The following RSRC1 variants were observed in gnomAD, a reference collection of about 807,000 sequenced individuals.
The protein encoded by RSRC1 is serine/Arginine-related protein 53.
Under a neutral mutation model 49.1 loss-of-function variants are expected in RSRC1, and 39 were observed. The ratio of observed to expected loss-of-function variants is 0.79; its 90% CI spans 0.61 to 1.04. The LOEUF is 1.04. RSRC1 is among the 50% of genes least tolerant of loss of function. The pLI is 0.00. For synonymous variants in RSRC1, 143 were observed against 130.8 expected (o/e 1.09, Z -0.63); for missense variants, 388 against 402.4 (o/e 0.96, Z 0.31).
At chr3:158,325,932 A>G (rs1166694496) in intron 5 of RSRC1, among the ~76,000 whole-genome samples, 1 of 152,144 alleles carries the variant, frequency 6.6e-6, no homozygotes, top group East Asian at 1.9e-4. Flanking sequence ...TTCTCCTTGA[A>G]GAGATCCTTC....
rs1731969876 is a variant in RSRC1, at chr3:158,369,811, A to G, written c.583+14903A>G. On this transcript the variant is annotated intron_variant, in intron 6 of 9. Coordinates refer to ENST00000611884, the MANE Select transcript of RSRC1 (RefSeq NM_001271838.2). ...TTTGTTTAGCAAAACTAGAATATAT[A>G]TTTTTAGAGATTCCAAGACCTGTGA... 2.0e-5 allele frequency among the ~76,000 whole-genome samples: 3 copies of G among 152,052 alleles called. No individual in the cohort carries two copies. In the South Asian group the frequency reaches 6.2e-4, roughly 31 times the overall value.
chr3:158,271,861 G>A (rs1031339302), intron 4 of RSRC1, among the ~76,000 whole-genome samples: 2 of 152,100 alleles, frequency 1.3e-5, no homozygotes, highest in Admixed American at 1.3e-4. Context: ...ATATAGGTGA[G>A]TAATCTAAGA....
At chr3:158,338,154 A>G (rs1730024803) in intron 5 of RSRC1, among the ~76,000 whole-genome samples, 1 of 151,908 alleles carries the variant, frequency 6.6e-6, no homozygotes, top group Non-Finnish European at 1.5e-5. Flanking sequence ...TGAAATATGT[A>G]TATAAAATGG....
chr3:158,439,278 T>G (rs1335328397), intron 6 of RSRC1, among the ~76,000 whole-genome samples: 1 of 151,810 alleles, frequency 6.6e-6, no homozygotes, highest in South Asian at 2.1e-4. Context: ...GATCTAGAAC[T>G]AGAAATACCA....
chr3:158,510,040 C>T (rs1740069966), intron 7 of RSRC1, among the ~76,000 whole-genome samples: 1 of 152,166 alleles, frequency 6.6e-6, no homozygotes, highest in African/African-American at 2.4e-5. Flanking sequence ...CCAGTCTTCA[C>T]TCCCCTAACT....
intron 7 of RSRC1, among the ~76,000 whole-genome samples, chr3:158,481,718 A>T (rs1004519411): frequency 6.6e-6 from 1 of 152,062 alleles, no homozygotes; most frequent in African/African-American, 2.4e-5. Flanking sequence ...GTTATTTTAA[A>T]TGTGAATTTG....
At chr3:158,265,006 C>T (rs1725090935) in intron 4 of RSRC1, among the ~76,000 whole-genome samples, 3 of 152,192 alleles carry the variant, frequency 2.0e-5, no homozygotes, top group Non-Finnish European at 4.4e-5. Flanking sequence ...CTGTGCTGCT[C>T]TCTGGTCTGC....
At chr3:158,371,829 A>G (rs1732096037) in intron 6 of RSRC1, among the ~76,000 whole-genome samples, 1 of 151,898 alleles carries the variant, frequency 6.6e-6, no homozygotes, top group Non-Finnish European at 1.5e-5. Context: ...AGCAGTCTAT[A>G]AGAAATCCAG....
At chr3:158,333,819 C>T (rs1362205196) in intron 5 of RSRC1, among the ~76,000 whole-genome samples, 1 of 152,146 alleles carries the variant, frequency 6.6e-6, no homozygotes, top group Non-Finnish European at 1.5e-5. Context: ...GTAATTGGTG[C>T]TGCAGGAGAA....
intron 4 of RSRC1, among the ~76,000 whole-genome samples, chr3:158,252,811 A>G (rs780535279): frequency 6.6e-6 from 1 of 152,100 alleles, no homozygotes; most frequent in Non-Finnish European, 1.5e-5. Flanking sequence ...GTTCAATCTT[A>G]GTAGACTGTA....
chr3:158,472,505 C>G lies in RSRC1; in HGVS notation c.652+11502C>G, dbSNP rs148014115. On this transcript the variant is annotated intron_variant, in intron 7 of 9. Coordinates refer to ENST00000611884, the MANE Select transcript of RSRC1 (RefSeq NM_001271838.2). Reference sequence around the variant, plus strand: ...CTATTGCATCTTCAACAAAACAAAACAAAAGCAACCCACTAATGAGTCATA... The same window carrying G: ...CTATTGCATCTTCAACAAAACAAAAGAAAAGCAACCCACTAATGAGTCATA... 1.1e-3 allele frequency among the ~76,000 whole-genome samples: 167 copies of G among 152,146 alleles called. 2 individuals are homozygous for G. The highest frequency in any genetic ancestry group is 3.9e-3 in the African/African-American group (162 of 41,534).
At chr3:158,341,670 CAG>C (rs1257007254) in intron 5 of RSRC1, among the ~76,000 whole-genome samples, 10 of 152,188 alleles carry the variant, frequency 6.6e-5, no homozygotes, top group African/African-American at 2.4e-4. Flanking sequence ...AGCCCCCACA[CAG>C]AGTCCCTAGT....
rs1000917160 is a variant in RSRC1, at chr3:158,496,784, A to G, written c.652+35781A>G. 1.2e-5 allele frequency: 3 copies of G among 253,648 alleles called. No homozygotes were observed. In the South Asian group the frequency reaches 1.6e-4, roughly 13 times the overall value. The allele number at this position is 253,648 out of a possible 1,614,324, so 15.7% of individuals were successfully genotyped here. ...CACCAAATCTACCTAAGTAAGGTTG[A>G]TGACCGTAAGAAACTAGGGGAAGAG... On this transcript the variant is annotated intron_variant, in intron 7 of 9. Transcript: ENST00000611884.
At chr3:158,144,186 C>T (rs1716929287) in intron 3 of RSRC1, among the ~76,000 whole-genome samples, 1 of 152,070 alleles carries the variant, frequency 6.6e-6, no homozygotes, top group Non-Finnish European at 1.5e-5. Flanking sequence ...GCACAACGTG[C>T]AGGTTTGTTA....
intron 6 of RSRC1, among the ~76,000 whole-genome samples, chr3:158,359,120 T>C (rs558904734): frequency 1.3e-5 from 2 of 152,324 alleles, no homozygotes; most frequent in East Asian, 3.9e-4. Context: ...TGTTTAATTT[T>C]CTGAGAAACC....
intron 6 of RSRC1, among the ~76,000 whole-genome samples, chr3:158,432,179 C>G (rs569685041): frequency 6.6e-6 from 1 of 151,894 alleles, no homozygotes; most frequent in Non-Finnish European, 1.5e-5. Flanking sequence ...CTATGTTCTG[C>G]GCCTAATGAC....
intron 7 of RSRC1, among the ~76,000 whole-genome samples, chr3:158,488,142 A>C: frequency 6.6e-6 from 1 of 152,010 alleles, no homozygotes; most frequent in East Asian, 1.9e-4. Context: ...GATCTTCCAA[A>C]AGTGAAGGTT....
intron 3 of RSRC1, among the ~76,000 whole-genome samples, chr3:158,144,844 G>A (rs1207115302): frequency 6.6e-6 from 1 of 152,152 alleles, no homozygotes; most frequent in African/African-American, 2.4e-5. Flanking sequence ...GTGTGAGATG[G>A]TATCTCATTG....
At chr3:158,533,882 A>G (rs1427079833) in intron 7 of RSRC1, among the ~76,000 whole-genome samples, 1 of 151,622 alleles carries the variant, frequency 6.6e-6, no homozygotes, top group Non-Finnish European at 1.5e-5. Flanking sequence ...CTTGTATGGG[A>G]TGTGTTAATA....
Sources: allele counts gnomAD v4.1 joint callset (sites outside exome capture counted in the v4.1 genomes callset), GRCh38; gene constraint gnomAD v4.1.1; transcripts MANE v1.5; gene names NCBI Gene and HGNC (gene_info 2026-07-23, HGNC 2026-07-21).